Variants in MON1B observed in about 807,000 individuals in gnomAD.
The protein encoded by MON1B is vacuolar fusion protein MON1 homolog B.
MON1B carries 26 observed loss-of-function variants against 45.1 expected under a neutral mutation model. The observed-to-expected ratio is 0.58, with a 90% CI of 0.42 to 0.80. The LOEUF (loss-of-function observed/expected upper bound fraction) is 0.80, where lower values mean the gene tolerates loss of function less well. MON1B is among the 30% of genes least tolerant of loss of function. The pLI, the probability that MON1B is intolerant of heterozygous loss-of-function variation, is 0.00. For synonymous variants in MON1B, 395 were observed against 320.2 expected (o/e 1.23, Z -2.49); for missense variants, 737 against 754.5 (o/e 0.98, Z 0.27).
intron 1 of MON1B, 64 bp downstream of exon 1, chr16:77,191,322 G>T (rs1316340152): frequency 7.8e-6 from 12 of 1,545,332 alleles, no homozygotes; most frequent in Non-Finnish European, 1.1e-5. Flanking sequence ...AGTGTTGGAG[G>T]GGGGACGTAT....
Position 77,198,550 on chromosome 16 carries a change from T to G in MON1B, c.*242T>G. 1 of 546,468 alleles carries G rather than the reference T, an allele frequency of 1.8e-6. No homozygotes were observed. Among genetic ancestry groups the G allele is most frequent in the Non-Finnish European group, 3.3e-6 (1 of 303,244 alleles). 33.9% of individuals were successfully genotyped at this position (546,468 alleles called of 1,614,324 possible). A position where few individuals can be genotyped will look rare whatever the true frequency, so the allele number is the denominator to read the frequency against. The stretch of plus-strand genomic sequence containing the variant: ...GGAAATCCTTAGGCCTCCCTCTCCC[T>G]TCCCTCTGTCTCATCTCCTCCACTT... On this transcript the variant is annotated 3_prime_UTR_variant, in exon 6 of 6. Coordinates refer to ENST00000248248, the MANE Select transcript of MON1B (RefSeq NM_014940.4).
intron 5 of MON1B, among the ~76,000 whole-genome samples, chr16:77,197,827 A>T (rs1192038267): frequency 6.6e-6 from 1 of 152,184 alleles, no homozygotes; most frequent in East Asian, 1.9e-4. Flanking sequence ...ACAGAATATT[A>T]AACATTGTTA....
In MON1B at chr16:77,199,341, T is replaced by C. The variant is rs561643410; in HGVS notation, c.*1033T>C. On this transcript the variant is annotated 3_prime_UTR_variant, in exon 6 of 6. Coordinates refer to ENST00000248248, the MANE Select transcript of MON1B (RefSeq NM_014940.4). ...CAGAGCTGACTCCTGATTTAACCGC[T>C]GGCGTAACCGCGGGTTGCACGCATG... 21 of 1,067,380 alleles carry C rather than the reference T, an allele frequency of 2.0e-5. No homozygotes were observed. The highest frequency in any genetic ancestry group is 1.2e-4 in the South Asian group (8 of 66,570). The allele number at this position is 1,067,380 out of a possible 1,614,324, so 66.1% of individuals were successfully genotyped here.
rs1431183986 is a variant in MON1B, at chr16:77,194,314, T to G, written c.476-21T>G. 1.3e-6 allele frequency: 2 copies of G among 1,590,808 alleles called. No individual in the cohort carries two copies. The highest frequency in any genetic ancestry group is 1.1e-5 in the South Asian group (1 of 90,840). On this transcript the variant is annotated intron_variant, in intron 3 of 5. Transcript: ENST00000248248. The surrounding 1 kb of genome is among the most constrained non-coding windows in gnomAD (Gnocchi z 8.1). ...TTCCTGATCCAGCTGTACCCCCCCT[T>G]CTTACCCCTTCCTTCCCTAGAGGAC...
At position 77,199,353 on chromosome 16, in the gene MON1B, G is replaced by T. The variant is rs1233297347; in HGVS notation, c.*1045G>T. On this transcript the variant is annotated 3_prime_UTR_variant, in exon 6 of 6. Transcript: ENST00000248248. ...CTGATTTAACCGCTGGCGTAACCGC[G>T]GGTTGCACGCATGCGTGCTGAAAAG... 1.9e-5 allele frequency: 23 copies of T among 1,215,222 alleles called. No homozygotes were observed. Among genetic ancestry groups the T allele is most frequent in the African/African-American group, 4.6e-5 (3 of 65,436 alleles). 75.3% of individuals were successfully genotyped at this position (1,215,222 alleles called of 1,614,324 possible). A position where few individuals can be genotyped will look rare whatever the true frequency, so the allele number is the denominator to read the frequency against.
rs369924114 is a variant in MON1B, at chr16:77,199,456, C to T, written c.*1148C>T. On this transcript the variant is annotated 3_prime_UTR_variant, in exon 6 of 6. Coordinates refer to ENST00000248248, the MANE Select transcript of MON1B (RefSeq NM_014940.4). ...GCGCAGGCCCCGCGTTGGAAAATGG[C>T]GGGGAAGCTGAAACCTCTGAATGTG... The T allele has an allele frequency of 7.7e-6, 12 of 1,551,248 alleles. No individual in the cohort carries two copies. In the African/African-American group the frequency reaches 1.1e-4, roughly 14 times the overall value.
In MON1B at chr16:77,200,291, T is replaced by TACATATATATATATATATAC. The variant is rs1555502426; in HGVS notation, c.*1986_*1987insTATATATATATATATACACA. 3.6e-5 allele frequency: 4 copies of TACATATATATATATATATAC among 111,438 alleles called. 1 individual carries two copies. Among genetic ancestry groups the TACATATATATATATATATAC allele is most frequent in the East Asian group, 2.2e-4 (1 of 4,574 alleles). 6.9% of individuals were successfully genotyped at this position (111,438 alleles called of 1,614,324 possible). On this transcript the variant is annotated 3_prime_UTR_variant, in exon 6 of 6. Transcript: ENST00000248248. ...ATATATGTGTATATATATATATATATACACACACTAATCAGCCGGGCGCGG... is the reference window on the plus strand; with the variant it reads ...ATATATGTGTATATATATATATATATACATATATATATATATATACACACACACTAATCAGCCGGGCGCGG...
chr16:77,194,663 C>T lies in MON1B; in HGVS notation c.804C>T (p.Cys268=). Residue 268 remains cysteine (C), a synonymous_variant, in exon 4 of 6, where the codon TGC becomes TGT. Transcript: ENST00000248248. The surrounding 1 kb of genome is among the most constrained non-coding windows in gnomAD (Gnocchi z 8.1). ...CACTAGGTGCGCTCCTCCGACGTTG[C>T]ACAGCGCCTGGCCTGGCGCTGTCAG... ...RDALGALLRR[C]TAPGLALSVL... 1.2e-6 allele frequency: 2 copies of T among 1,613,880 alleles called. No homozygotes were observed. The highest frequency in any genetic ancestry group is 2.2e-5 in the South Asian group (2 of 91,070).
Position 77,193,245 on chromosome 16 carries a change from A to AAGTTCATTGGAACCTAAATGTTAGTGG in MON1B, c.149-203_149-177dup, listed in dbSNP as rs2054631580. On this transcript the variant is annotated intron_variant, in intron 2 of 5. Coordinates refer to ENST00000248248, the MANE Select transcript of MON1B (RefSeq NM_014940.4). The surrounding 1 kb of genome is among the most constrained non-coding windows in gnomAD (Gnocchi z 5.0). ...TATGTTGGTTTATTAGGGTTTTAGGAAGTTCATTGGAACCTAAATGTTAGT... is the reference window on the plus strand; with the variant it reads ...TATGTTGGTTTATTAGGGTTTTAGGAAGTTCATTGGAACCTAAATGTTAGTGGAGTTCATTGGAACCTAAATGTTAGT... 2.6e-5 allele frequency among the ~76,000 whole-genome samples: 4 copies of AAGTTCATTGGAACCTAAATGTTAGTGG among 152,082 alleles called. No individual in the cohort carries two copies. The highest frequency in any genetic ancestry group is 5.9e-5 in the Non-Finnish European group (4 of 67,996).
chr16:77,194,526 G>T lies in MON1B; in HGVS notation c.667G>T (p.Ala223Ser). 6.2e-7 allele frequency: 1 copy of T among 1,614,104 alleles called. No individual in the cohort carries two copies. Among genetic ancestry groups the T allele is most frequent in the Non-Finnish European group, 8.5e-7 (1 of 1,180,048 alleles). The change falls in exon 4 of 6, where the codon GCT becomes TCT. Residue 223 changes from alanine to serine, a missense_variant. Transcript: ENST00000248248. The surrounding 1 kb of genome is among the most constrained non-coding windows in gnomAD (Gnocchi z 8.1). ...GAACTATGACCTCCGCCGCCTGCTG[G>T]CTGGTTCAGAGCGCACACTGGACCG... ...KQNYDLRRLL[A>S]GSERTLDRLL... is the part of the protein sequence containing the mutation.
chr16:77,199,474 T>C lies in MON1B; in HGVS notation c.*1166T>C. On this transcript the variant is annotated 3_prime_UTR_variant, in exon 6 of 6. Coordinates refer to ENST00000248248, the MANE Select transcript of MON1B (RefSeq NM_014940.4). ...AAAATGGCGGGGAAGCTGAAACCTC[T>C]GAATGTGGAGGCGCCAGAAGCTACT... 3.2e-6 allele frequency: 5 copies of C among 1,551,478 alleles called. No individual in the cohort carries two copies. The highest frequency in any genetic ancestry group is 4.4e-6 in the Non-Finnish European group (5 of 1,146,962).
rs775391554 is a variant in MON1B, at chr16:77,195,035, C to G, written c.1176C>G (p.Ala392=). The G allele has an allele frequency of 1.1e-5, 17 of 1,612,030 alleles. No individual in the cohort carries two copies. In the Admixed American group the frequency reaches 2.8e-4, roughly 27 times the overall value. The part of the protein sequence containing the change: ...ALGEAASFSN[A]SSASAPAYSV... ...GGGAGGCTGCCAGCTTCTCTAATGC[C>G]TCATCAGCCAGTGCTCCTGCCTACA... Residue 392 remains alanine, a synonymous_variant, in exon 4 of 6, where the codon GCC becomes GCG. Transcript: ENST00000248248.
At position 77,191,606 on chromosome 16, in the gene MON1B, C is replaced by T. The variant is rs377586319; in HGVS notation, c.121C>T (p.Pro41Ser). Residue 41 changes from proline to serine, a missense_variant, in exon 2 of 6, where the codon CCC becomes TCC. Physicochemically the swap from Pro to Ser is moderately conservative, Grantham distance 74. Transcript: ENST00000248248. ...GGGVHAVPPD[P>S]EDEGLEETGS... ...AGGGGTTCACGCGGTCCCGCCGGAT[C>T]CCGAAGACGAGGGCCTGGAGGAAAC... 12 of 1,611,196 alleles carry T rather than the reference C, an allele frequency of 7.4e-6. No homozygotes were observed. The highest frequency in any genetic ancestry group is 3.4e-5 in the Admixed American group (2 of 58,772).
At chr16:77,196,844 C>T (rs2054670184) in intron 5 of MON1B, among the ~76,000 whole-genome samples, 1 of 152,164 alleles carries the variant, frequency 6.6e-6, no homozygotes, top group Admixed American at 6.5e-5. Context: ...AATATTGTCT[C>T]ATGGATTTTT....
rs1180249111 is a variant in MON1B, at chr16:77,202,237, T to G, written c.*3929T>G. ...CCCTTTGTATATAGGAAATAGACAC[T>G]GGAATAGTAAGGAGTAGTGGGTCAA... On this transcript the variant is annotated 3_prime_UTR_variant, in exon 6 of 6. Transcript: ENST00000248248. 6.6e-6 allele frequency: 1 copy of G among 152,180 alleles called. No homozygotes were observed. The highest frequency in any genetic ancestry group is 1.5e-5 in the Non-Finnish European group (1 of 68,038). The allele number at this position is 152,180 out of a possible 1,614,324, so 9.4% of individuals were successfully genotyped here.
rs1047266142 is a variant in MON1B at position 77,198,637 on chromosome 16, C to G, written c.*329C>G. On this transcript the variant is annotated 3_prime_UTR_variant, in exon 6 of 6. Transcript: ENST00000248248. ...CCAAACTTGCTTCCGTGGTCTGCCT[C>G]CTAGTTGAATCTCAGCCCTGAGTGT... 5.5e-6 allele frequency: 2 copies of G among 360,444 alleles called. No individual in the cohort carries two copies. The highest frequency in any genetic ancestry group is 4.1e-5 in the African/African-American group (2 of 48,442). 22.3% of individuals were successfully genotyped at this position (360,444 alleles called of 1,614,324 possible). A position where few individuals can be genotyped will look rare whatever the true frequency, so the allele number is the denominator to read the frequency against.
At chr16:77,197,848 C>T (rs2054681923) in intron 5 of MON1B, among the ~76,000 whole-genome samples, 1 of 152,156 alleles carries the variant, frequency 6.6e-6, no homozygotes, top group Non-Finnish European at 1.5e-5. Context: ...CTGTTTTCCC[C>T]AGTTCCCAAT....
intron 1 of MON1B, 90 bp downstream of exon 1, chr16:77,191,348 G>A: frequency 4.5e-6 from 7 of 1,563,104 alleles, no homozygotes; most frequent in Non-Finnish European, 6.1e-6. Context: ...CATGATTTTG[G>A]ATGTCTCGTC....
chr16:77,198,522 T>C lies in MON1B; in HGVS notation c.*214T>C. 3 of 594,688 alleles carry C rather than the reference T, an allele frequency of 5.0e-6. No homozygotes were observed. The highest frequency in any genetic ancestry group is 8.9e-6 in the Non-Finnish European group (3 of 335,468). The allele number at this position is 594,688 out of a possible 1,614,324, so 36.8% of individuals were successfully genotyped here. On this transcript the variant is annotated 3_prime_UTR_variant, in exon 6 of 6. Transcript: ENST00000248248. ...CTGCCCAGTCATGCACCTCCCCCTC[T>C]GGGGAAATCCTTAGGCCTCCCTCTC... is the stretch of plus-strand genomic sequence containing the variant.
Sources: gnomAD v4.1 joint callset for allele counts (sites outside exome capture counted in the v4.1 genomes callset) on GRCh38, gnomAD v4.1.1 for gene constraint, Gnocchi (gnomAD v3.1) non-coding constraint, MANE v1.5 for transcripts, NCBI Gene and HGNC (gene_info 2026-07-23, HGNC 2026-07-21) for gene names.